FRMD5: variants seen among roughly 807,000 people sequenced by gnomAD.
The protein encoded by FRMD5 is FERM domain-containing protein 5.
In FRMD5, 20 loss-of-function variants were observed where a neutral mutation model predicts 69.0. The ratio of observed to expected loss-of-function variants is 0.29; its 90% CI spans 0.20 to 0.42. The LOEUF (loss-of-function observed/expected upper bound fraction) is 0.42, where lower values mean the gene tolerates loss of function less well. FRMD5 is among the 10% of genes least tolerant of loss of function. The pLI, the probability that FRMD5 is intolerant of heterozygous loss-of-function variation, is 1.00. For synonymous variants in FRMD5, 271 were observed against 260.1 expected, an observed-to-expected ratio of 1.04 and a Z score of -0.40; for missense variants, 595 against 708.6, an observed-to-expected ratio of 0.84 and a Z score of 1.82.
chr15:43,945,707 G>C (rs1452891037), intron 1 of FRMD5, among the ~76,000 whole-genome samples: 1 of 152,122 alleles, frequency 6.6e-6, no homozygotes, highest in East Asian at 1.9e-4. Context: ...TTAGGCATAT[G>C]GACGGGAGGG....
At chr15:44,111,119 CTTATT>C (rs933329854) in intron 1 of FRMD5, among the ~76,000 whole-genome samples, 26 of 152,228 alleles carry the variant, frequency 1.7e-4, no homozygotes, top group African/African-American at 5.8e-4. Flanking sequence ...TCTTTCCTTT[CTTATT>C]TTAACTCTCA....
At chr15:43,915,211 A>G (rs1177744806) in intron 4 of FRMD5, among the ~76,000 whole-genome samples, 1 of 152,216 alleles carries the variant, frequency 6.6e-6, no homozygotes, top group African/African-American at 2.4e-5. Flanking sequence ...ATAAAATTTT[A>G]CTGGAACACA....
chr15:44,022,240 G>A (rs1891239052), intron 1 of FRMD5, among the ~76,000 whole-genome samples: 2 of 152,056 alleles, frequency 1.3e-5, no homozygotes, highest in South Asian at 4.2e-4. Context: ...AAACTATAAA[G>A]TTTATGTTAT....
At chr15:44,146,343 T>G (rs1454288374) in intron 1 of FRMD5, among the ~76,000 whole-genome samples, 1 of 152,222 alleles carries the variant, frequency 6.6e-6, no homozygotes, top group Non-Finnish European at 1.5e-5. Context: ...TTCCTTTTTA[T>G]GGCTACCTAG....
At chr15:43,940,577 C>T (rs549490712) in intron 1 of FRMD5, among the ~76,000 whole-genome samples, 2 of 152,196 alleles carry the variant, frequency 1.3e-5, no homozygotes, top group Non-Finnish European at 2.9e-5. Context: ...ACAAGGACGT[C>T]GGTTGCAGAT....
chr15:43,988,009 G>A (rs1889478870), intron 1 of FRMD5, among the ~76,000 whole-genome samples: 2 of 152,194 alleles, frequency 1.3e-5, no homozygotes, highest in African/African-American at 4.8e-5. Flanking sequence ...CTCATAAGGA[G>A]CATGCAATCC....
chr15:43,979,120 C>T (rs773866165), intron 1 of FRMD5, among the ~76,000 whole-genome samples: 2 of 151,992 alleles, frequency 1.3e-5, no homozygotes, highest in Non-Finnish European at 2.9e-5. Context: ...GGCTGATCAC[C>T]TGAGGCCAGC....
chr15:44,022,078 C>T (rs181861350), intron 1 of FRMD5, among the ~76,000 whole-genome samples: 2 of 152,066 alleles, frequency 1.3e-5, no homozygotes, highest in Non-Finnish European at 2.9e-5. Flanking sequence ...ATGAGGTACA[C>T]TCAGTAAATT....
chr15:43,932,972 A>G (rs1032144248), intron 1 of FRMD5, among the ~76,000 whole-genome samples: 2 of 152,216 alleles, frequency 1.3e-5, no homozygotes, highest in African/African-American at 4.8e-5. Flanking sequence ...CACAGCAAAC[A>G]GAACTCTGAA....
chr15:44,143,673 C>G (rs538241175), intron 1 of FRMD5, among the ~76,000 whole-genome samples: 1 of 151,130 alleles, frequency 6.6e-6, no homozygotes, highest in East Asian at 1.9e-4. Context: ...CGCCTGTAAT[C>G]CCAGGACTTT....
At chr15:43,920,214 C>CT (rs911600375) in intron 2 of FRMD5, among the ~76,000 whole-genome samples, 17 of 151,594 alleles carry the variant, frequency 1.1e-4, no homozygotes, top group Admixed American at 2.6e-4. Context: ...TATGCACCAG[C>CT]TTTTTTTTTC....
At chr15:44,115,116 G>C (rs1404839659) in intron 1 of FRMD5, among the ~76,000 whole-genome samples, 1 of 152,166 alleles carries the variant, frequency 6.6e-6, no homozygotes, top group African/African-American at 2.4e-5. Context: ...CTGGCCTGGA[G>C]TCTACCAGTT....
At chr15:43,934,110 C>T (rs7166823) in intron 1 of FRMD5, among the ~76,000 whole-genome samples, 6,682 of 152,266 alleles carry the variant, frequency 0.044, 447 homozygotes, top group African/African-American at 0.14. Flanking sequence ...CAGCCTTCTC[C>T]TTTCTCTCCT....
chr15:44,082,166 AAAGGT>A (rs1479634798), intron 1 of FRMD5, among the ~76,000 whole-genome samples: 1 of 152,018 alleles, frequency 6.6e-6, no homozygotes, highest in Non-Finnish European at 1.5e-5. Context: ...TCTACAAAAC[AAAGGT>A]AAGGGTCCCC....
intron 1 of FRMD5, 41 bp downstream of exon 1, chr15:44,194,912 A>G: frequency 1.4e-6 from 2 of 1,472,928 alleles, no homozygotes; most frequent in Non-Finnish European, 9.1e-7. Flanking sequence ...CTTGGGGGAC[A>G]AGGGGGTCCC....
At chr15:44,100,082 G>A (rs554964462) in intron 1 of FRMD5, among the ~76,000 whole-genome samples, 16 of 142,788 alleles carry the variant, frequency 1.1e-4, no homozygotes, top group African/African-American at 3.2e-4. Context: ...ATGGAGTTTC[G>A]GTCTTGTCTT....
chr15:44,108,728 G>A (rs1048262127), intron 1 of FRMD5, among the ~76,000 whole-genome samples: 1 of 151,900 alleles, frequency 6.6e-6, no homozygotes, highest in South Asian at 2.1e-4. Flanking sequence ...TTGGGTGGTG[G>A]CCAAGACAGG....
At chr15:43,953,427 T>A (rs887426287) in intron 1 of FRMD5, among the ~76,000 whole-genome samples, 3 of 152,136 alleles carry the variant, frequency 2.0e-5, no homozygotes, top group African/African-American at 7.2e-5. Context: ...GAAGCAAGCA[T>A]CACTCCTACT....
intron 4 of FRMD5, among the ~76,000 whole-genome samples, chr15:43,914,605 A>G (rs978952363): frequency 2.0e-5 from 3 of 152,098 alleles, no homozygotes; most frequent in Admixed American, 1.3e-4. Flanking sequence ...TTACATTCCA[A>G]TGGGGGAGAT....
Sources: allele counts gnomAD v4.1 joint callset (sites outside exome capture counted in the v4.1 genomes callset), GRCh38; gene constraint gnomAD v4.1.1; transcripts MANE v1.5; gene names NCBI Gene and HGNC (gene_info 2026-07-23, HGNC 2026-07-21).